Variants in C2CD5 observed in about 807,000 individuals in gnomAD.
The protein encoded by C2CD5 is C2 calcium dependent domain containing 5.
In C2CD5, 109 loss-of-function variants were observed where a neutral mutation model predicts 130.3. The observed-to-expected ratio is 0.84, with a 90% CI of 0.72 to 0.98. C2CD5 has a LOEUF of 0.98. C2CD5 is among the 50% of genes least tolerant of loss of function. C2CD5 has a pLI of 0.00. For synonymous variants in C2CD5, 454 were observed against 429.2 expected (o/e 1.06, Z -0.71); for missense variants, 996 against 1,261.8 (o/e 0.79, Z 3.19).
At chr12:22,503,848 C>T (rs1036872792) in intron 10 of C2CD5, among the ~76,000 whole-genome samples, 2 of 152,032 alleles carry the variant, frequency 1.3e-5, no homozygotes, top group African/African-American at 2.4e-5. Context: ...ATATTAGAAC[C>T]ATTAGAATAA....
chr12:22,496,271 T>C (rs1054791983), intron 10 of C2CD5, among the ~76,000 whole-genome samples: 4 of 152,044 alleles, frequency 2.6e-5, no homozygotes, highest in African/African-American at 4.8e-5. Context: ...ATCCCTATAA[T>C]AGAATGTTTA....
intron 22 of C2CD5, among the ~76,000 whole-genome samples, chr12:22,465,862 T>A (rs1373554801): frequency 6.6e-6 from 1 of 152,080 alleles, no homozygotes; most frequent in Non-Finnish European, 1.5e-5. Context: ...TTAAATAAAT[T>A]ATTTAGGCTC....
At chr12:22,514,169 C>A (rs545518018) in intron 8 of C2CD5, among the ~76,000 whole-genome samples, 1 of 152,238 alleles carries the variant, frequency 6.6e-6, no homozygotes, top group South Asian at 2.1e-4. Flanking sequence ...AAGCAGGGGA[C>A]AGGTAAGAAG....
At chr12:22,485,034 G>A (rs3736464) in intron 12 of C2CD5, 146 bp from the exon 13 acceptor site, 41,771 of 417,942 alleles carry the variant, frequency 0.1, 4,426 homozygotes, top group African/African-American at 0.38. Flanking sequence ...TACCACTAAG[G>A]CTGATAAGAA....
In C2CD5 at chr12:22,473,934, A is replaced by G. The variant is rs368603292; in HGVS notation, c.2043+817T>C. Among the ~76,000 whole-genome samples the G allele has an allele frequency of 5.2e-4, 79 of 152,206 alleles. 1 individual carries two copies. The highest frequency in any genetic ancestry group is 1.8e-3 in the African/African-American group (76 of 41,542). ...TGTGGGGAAAAAGTGGGGGGCAAATAACCATATAAGTTGAGTTTTCTACAA... is the reference window on the plus strand; with the variant it reads ...TGTGGGGAAAAAGTGGGGGGCAAATGACCATATAAGTTGAGTTTTCTACAA... On this transcript the variant is annotated intron_variant, in intron 16 of 26. Coordinates refer to ENST00000446597, the MANE Select transcript of C2CD5 (RefSeq NM_001286176.2).
intron 26 of C2CD5, among the ~76,000 whole-genome samples, chr12:22,453,353 A>C (rs975223245): frequency 3.3e-5 from 5 of 152,182 alleles, no homozygotes; most frequent in Non-Finnish European, 7.3e-5. Context: ...ATTTCATACT[A>C]TTTAGTATAG....
intron 14 of C2CD5, 105 bp from the exon 15 acceptor site, chr12:22,478,582 A>C: frequency 1.1e-6 from 1 of 941,772 alleles, no homozygotes; most frequent in Non-Finnish European, 1.6e-6. Flanking sequence ...GCAGTGGCTC[A>C]CACCTGTAAT....
rs555941803 is a variant in C2CD5 at position 22,479,949 on chromosome 12, A to G, written c.1738-1472T>C. ...GATATTTGTTATTATTATTTTTTAAATTAATCAACTGCCAATTTTGTGAAC... is the reference window on the plus strand; with the variant it reads ...GATATTTGTTATTATTATTTTTTAAGTTAATCAACTGCCAATTTTGTGAAC... On this transcript the variant is annotated intron_variant, in intron 14 of 26. Coordinates refer to ENST00000446597, the MANE Select transcript of C2CD5 (RefSeq NM_001286176.2). Among the ~76,000 whole-genome samples, 28 of 152,338 alleles carry G rather than the reference A, an allele frequency of 1.8e-4. No individual in the cohort carries two copies. The South Asian group carries it at 5.6e-3, about 30-fold the overall frequency.
At chr12:22,476,770 T>A (rs945077705) in intron 15 of C2CD5, among the ~76,000 whole-genome samples, 2 of 151,960 alleles carry the variant, frequency 1.3e-5, no homozygotes, top group African/African-American at 4.8e-5. Context: ...TTTACAGAGG[T>A]GAGAAACACT....
At chr12:22,507,124 A>G (rs1948645637) in intron 9 of C2CD5, among the ~76,000 whole-genome samples, 1 of 152,092 alleles carries the variant, frequency 6.6e-6, no homozygotes, top group Non-Finnish European at 1.5e-5. Flanking sequence ...TGAATCTCCA[A>G]CTCTGATGGA....
intron 25 of C2CD5, among the ~76,000 whole-genome samples, chr12:22,456,100 C>A (rs1445577830): frequency 1.3e-5 from 2 of 152,126 alleles, no homozygotes; most frequent in African/African-American, 4.8e-5. Flanking sequence ...GTGCTAGGCG[C>A]AGGATGGTGA....
intron 9 of C2CD5, among the ~76,000 whole-genome samples, chr12:22,508,871 CTT>C (rs60617771): frequency 2.3e-4 from 32 of 138,334 alleles, no homozygotes; most frequent in African/African-American, 2.4e-4. Context: ...ATACTTAAAT[CTT>C]TTTTTTTTTT....
At chr12:22,456,494 C>G (rs1452243601) in intron 25 of C2CD5, among the ~76,000 whole-genome samples, 2 of 152,140 alleles carry the variant, frequency 1.3e-5, no homozygotes, top group Non-Finnish European at 2.9e-5. Context: ...TGAGGTAAGA[C>G]TGAAGAAATG....
At chr12:22,461,323 T>A (rs1941103617) in intron 22 of C2CD5, among the ~76,000 whole-genome samples, 1 of 152,182 alleles carries the variant, frequency 6.6e-6, no homozygotes, top group African/African-American at 2.4e-5. Flanking sequence ...GTGCATTTTT[T>A]TAAACTGCAG....
chr12:22,535,167 T>C (rs1170648479), intron 3 of C2CD5, 91 bp downstream of exon 3: 1 of 736,270 alleles, frequency 1.4e-6, no homozygotes, highest in Non-Finnish European at 2.4e-6. Context: ...GAAATACTAC[T>C]ATGCCTGAAA....
chr12:22,513,227 C>A (rs1250427553), intron 9 of C2CD5, 67 bp downstream of exon 9: 1 of 1,127,052 alleles, frequency 8.9e-7, no homozygotes, highest in Admixed American at 1.8e-5. Context: ...CATGCAAGTA[C>A]ATGGAAGCAT....
At chr12:22,492,922 A>G (rs1445713280) in intron 11 of C2CD5, among the ~76,000 whole-genome samples, 1 of 152,204 alleles carries the variant, frequency 6.6e-6, no homozygotes, top group African/African-American at 2.4e-5. Context: ...CCTAGAGTTA[A>G]TATTTGCTGT....
At chr12:22,450,127 C>G (rs1224285440) in intron 26 of C2CD5, among the ~76,000 whole-genome samples, 1 of 152,002 alleles carries the variant, frequency 6.6e-6, no homozygotes, top group Non-Finnish European at 1.5e-5. Flanking sequence ...TAGAGATATA[C>G]AGTTAAAATG....
intron 7 of C2CD5, among the ~76,000 whole-genome samples, chr12:22,522,134 T>C (rs1314374767): frequency 6.6e-6 from 1 of 152,216 alleles, no homozygotes; most frequent in Non-Finnish European, 1.5e-5. Context: ...AGTTATGAAG[T>C]AGCATCAGCA....
Sources: allele counts gnomAD v4.1 joint callset (sites outside exome capture counted in the v4.1 genomes callset), GRCh38; gene constraint gnomAD v4.1.1; transcripts MANE v1.5; gene names NCBI Gene and HGNC (gene_info 2026-07-23, HGNC 2026-07-21).